Variants in RPS3A observed in about 807,000 individuals in gnomAD.
RPS3A encodes ribosomal protein S3A, also known as small ribosomal subunit protein eS1.
In RPS3A, 1 loss-of-function variant was observed where a neutral mutation model predicts 26.4. That is an observed-to-expected ratio of 0.04 (90% CI 0.01 to 0.18). The LOEUF is 0.18. Among genes scored for constraint, RPS3A ranks in the 10% least tolerant of loss-of-function variants. RPS3A has a pLI of 1.00. For missense variants in RPS3A, 139 were observed against 326.8 expected (o/e 0.43, Z 4.43); for synonymous variants, 97 against 106.1 (o/e 0.91, Z 0.53).
At chr4:151,104,010 C>T (rs750160985) in intron 4 of RPS3A, 167 bp from the exon 5 acceptor site, 318 of 1,496,726 alleles carry the variant, frequency 2.1e-4, no homozygotes, top group Non-Finnish European at 2.8e-4. Context: ...CTATCCTTTA[C>T]ATGTGAAAGG....
Position 151,099,667 on chromosome 4 carries a change from G to C in RPS3A, c.15G>C (p.Lys5Asn). 2 of 1,614,048 alleles carry C rather than the reference G, an allele frequency of 1.2e-6. No individual in the cohort carries two copies. The highest frequency in any genetic ancestry group is 1.7e-6 in the Non-Finnish European group (2 of 1,179,986). Residue 5 changes from lysine (K) to asparagine (N), a missense_variant, in exon 1 of 6, where the codon AAG becomes AAC. Physicochemically the swap from Lys to Asn is moderately conservative, Grantham distance 94. This residue lies in a region of RPS3A where 35 missense variants were observed against 60.1 expected (regional missense o/e 0.58). Coordinates refer to ENST00000274065, the MANE Select transcript of RPS3A (RefSeq NM_001006.5). ...TGACCAGCACCATGGCGGTTGGCAA[G>C]AACAAGCGCCTTACGAAAGGCGGCA... MAVGKNKRLTKGGKK... is the reference protein window; with the variant it reads MAVGNNKRLTKGGKK...
At chr4:151,102,485 T>C (rs927181701) in intron 3 of RPS3A, among the ~76,000 whole-genome samples, 10 of 151,738 alleles carry the variant, frequency 6.6e-5, no homozygotes, top group Non-Finnish European at 1.3e-4. Context: ...GATGTGTTCA[T>C]ACCATAGAAT....
rs970540835 is a variant in RPS3A, at chr4:151,099,831, T to C, written c.62+117T>C. The C allele has an allele frequency of 2.5e-5, 29 of 1,148,086 alleles. No individual in the cohort carries two copies. The Admixed American group carries it at 5.7e-4, about 23-fold the overall frequency. The allele number at this position is 1,148,086 out of a possible 1,614,324, so 71.1% of individuals were successfully genotyped here. A position where few individuals can be genotyped will look rare whatever the true frequency, so the allele number is the denominator to read the frequency against. ...GATTCCAGTCGGATTGTGCGGGCCG[T>C]GGCGGGTTGGTGCACCCAGGAACGC... On this transcript the variant is annotated intron_variant, in intron 1 of 5. Coordinates refer to ENST00000274065, the MANE Select transcript of RPS3A (RefSeq NM_001006.5).
At chr4:151,099,794 C>T (rs1347979404) in intron 1 of RPS3A, 80 bp downstream of exon 1, 8 of 1,437,478 alleles carry the variant, frequency 5.6e-6, no homozygotes, top group African/African-American at 2.8e-5. Flanking sequence ...GCGGCGTAGG[C>T]CGGATGGCGA....
chr4:151,100,377 C>CA, intron 1 of RPS3A, 108 bp from the exon 2 acceptor site: 1 of 659,410 alleles, frequency 1.5e-6, no homozygotes, highest in Non-Finnish European at 2.7e-6. Context: ...ACTTTGGTAT[C>CA]AAATTGCCGG....
At chr4:151,104,105 A>C in intron 4 of RPS3A, 72 bp from the exon 5 acceptor site, 2 of 1,482,170 alleles carry the variant, frequency 1.3e-6, no homozygotes, top group South Asian at 2.6e-5. Context: ...AGGCTTCTCT[A>C]CTTTTAAAGG....
chr4:151,099,938 C>T (rs1459974913), intron 1 of RPS3A: 6 of 666,918 alleles, frequency 9.0e-6, no homozygotes, highest in Non-Finnish European at 1.7e-5. Context: ...CGCGTTTGAG[C>T]CGGCTTGCCG....
At chr4:151,102,091 A>G (rs1278494861) in intron 3 of RPS3A, 2 of 518,002 alleles carry the variant, frequency 3.9e-6, no homozygotes, top group Non-Finnish European at 7.7e-6. Context: ...GTCCCAAATG[A>G]TACATACTGA....
intron 4 of RPS3A, chr4:151,103,420 AT>A: frequency 1.3e-6 from 1 of 741,798 alleles, no homozygotes; most frequent in Non-Finnish European, 1.7e-6. Flanking sequence ...TACCCAGCTA[AT>A]TTTTTTAAAT....
chr4:151,104,133 G>A, intron 4 of RPS3A, 44 bp from the exon 5 acceptor site: 1 of 1,337,984 alleles, frequency 7.5e-7, no homozygotes, highest in Non-Finnish European at 1.0e-6. Flanking sequence ...TTATATCTGA[G>A]AACTAGGACT....
In RPS3A at chr4:151,101,044, T is replaced by C. The variant is rs1190145783; in HGVS notation, c.236T>C (p.Val79Ala). Residue 79 changes from valine to alanine, a missense_variant, in exon 3 of 6, where the codon GTT (valine) becomes GCT (alanine). Val to Ala is a moderately conservative substitution (Grantham distance 64). Around this residue, in one of 3 missense-constraint regions of RPS3A, gnomAD observed 8 missense variants for 56.9 expected, o/e 0.14. Coordinates refer to ENST00000274065, the MANE Select transcript of RPS3A (RefSeq NM_001006.5). ...CTTGCTGATTTGCAGAATGATGAAGTTGCATTTAGAAAATTCAAGCTGATT... is the reference window on the plus strand; with the variant it reads ...CTTGCTGATTTGCAGAATGATGAAGCTGCATTTAGAAAATTCAAGCTGATT... Reference protein sequence around the residue: ...VSLADLQNDEVAFRKFKLITE... With the variant: ...VSLADLQNDEAAFRKFKLITE... The C allele has an allele frequency of 1.3e-6, 2 of 1,591,752 alleles. No homozygotes were observed. Among genetic ancestry groups the C allele is most frequent in the African/African-American group, 2.7e-5 (2 of 74,724 alleles).
intron 3 of RPS3A, among the ~76,000 whole-genome samples, chr4:151,101,517 CTG>C (rs1747113314): frequency 6.6e-6 from 1 of 152,114 alleles, no homozygotes; most frequent in Admixed American, 6.6e-5. Flanking sequence ...TGTTGATTAA[CTG>C]TGGCAGTAGA....
intron 1 of RPS3A, chr4:151,100,023 G>T (rs994410414): frequency 1.6e-6 from 1 of 608,274 alleles, no homozygotes; most frequent in Non-Finnish European, 3.1e-6. Flanking sequence ...ATGGCACTGC[G>T]ACAGCAGGAG....
At chr4:151,099,821 G>A (rs2149702614) in intron 1 of RPS3A, 107 bp downstream of exon 1, 3 of 1,254,118 alleles carry the variant, frequency 2.4e-6, no homozygotes, top group Non-Finnish European at 3.4e-6. Flanking sequence ...CAGTCGGATT[G>A]TGCGGGCCGT....
chr4:151,099,891 G>C, intron 1 of RPS3A, 177 bp downstream of exon 1: 1 of 737,434 alleles, frequency 1.4e-6, no homozygotes, highest in Non-Finnish European at 2.4e-6. Context: ...GCGGCAGGTC[G>C]GCTGCCTTTC....
At chr4:151,103,222 AGT>A in intron 4 of RPS3A, 143 bp downstream of exon 4, 1 of 1,373,284 alleles carries the variant, frequency 7.3e-7, no homozygotes, top group Non-Finnish European at 9.6e-7. Flanking sequence ...TAAGTGAAAG[AGT>A]GTTAAGTACT....
chr4:151,099,802 C>G (rs1747033558), intron 1 of RPS3A, 88 bp downstream of exon 1: 10 of 1,377,120 alleles, frequency 7.3e-6, no homozygotes, highest in Non-Finnish European at 1.0e-5. Context: ...GGCCGGATGG[C>G]GAGGATTCCA....
At chr4:151,103,245 G>T (rs1747210166) in intron 4 of RPS3A, 166 bp downstream of exon 4, 1 of 1,256,446 alleles carries the variant, frequency 8.0e-7, no homozygotes, top group Non-Finnish European at 1.1e-6. Flanking sequence ...CAGTAAATAT[G>T]ATTATTATTA....
At chr4:151,099,840 G>A (rs1747036806) in intron 1 of RPS3A, 126 bp downstream of exon 1, 4 of 1,060,088 alleles carry the variant, frequency 3.8e-6, no homozygotes, top group Non-Finnish European at 4.3e-6. Flanking sequence ...GTGGCGGGTT[G>A]GTGCACCCAG....
Sources: allele counts gnomAD v4.1 joint callset (sites outside exome capture counted in the v4.1 genomes callset), GRCh38; gene constraint gnomAD v4.1.1; regional missense constraint gnomAD v4.1.1; transcripts MANE v1.5; gene names NCBI Gene and HGNC (gene_info 2026-07-23, HGNC 2026-07-21).